VPS53: variants seen among roughly 807,000 people sequenced by gnomAD.
VPS53 encodes the protein VPS53 subunit of GARP complex.
A neutral mutation model predicts 107.0 loss-of-function variants in VPS53; 70 were observed. The ratio of observed to expected loss-of-function variants is 0.65; its 90% CI spans 0.54 to 0.80. VPS53 has a LOEUF of 0.80. Among genes scored for constraint, VPS53 ranks in the 30% least tolerant of loss-of-function variants. The pLI is 0.00. For missense variants in VPS53, 917 were observed against 1,049.4 expected, an observed-to-expected ratio of 0.87 and a Z score of 1.74; for synonymous variants, 409 against 393.3, an observed-to-expected ratio of 1.04 and a Z score of -0.47.
chr17:567,479 T>C (rs181472693), intron 13 of VPS53, among the ~76,000 whole-genome samples: 1 of 151,158 alleles, frequency 6.6e-6, no homozygotes, highest in Non-Finnish European at 1.5e-5. Context: ...TAGTTTTGAA[T>C]ACATGATCCA....
chr17:672,440 G>A (rs1469507955), intron 4 of VPS53, among the ~76,000 whole-genome samples: 1 of 152,102 alleles, frequency 6.6e-6, no homozygotes, highest in Non-Finnish European at 1.5e-5. Context: ...CTCACTTAAT[G>A]GCAACTATTA....
chr17:682,931 T>C (rs570963366), intron 4 of VPS53, among the ~76,000 whole-genome samples: 1 of 152,090 alleles, frequency 6.6e-6, no homozygotes, highest in Admixed American at 6.5e-5. Context: ...GTGTTTTACC[T>C]GCACGAACAG....
chr17:523,225 G>A (rs1908882954), intron 19 of VPS53: 1 of 152,674 alleles, frequency 6.5e-6, no homozygotes, highest in African/African-American at 2.4e-5. Flanking sequence ...AATGGCTGAA[G>A]ACAGAAGGGT....
intron 13 of VPS53, among the ~76,000 whole-genome samples, chr17:570,598 A>G (rs999008411): frequency 1.5e-4 from 23 of 152,208 alleles, no homozygotes; most frequent in African/African-American, 5.5e-4. Flanking sequence ...AGACTCAATT[A>G]GTCTTCTGGG....
At chr17:540,477 T>TA (rs1910544772) in intron 17 of VPS53, 1 of 152,246 alleles carries the variant, frequency 6.6e-6, no homozygotes. Flanking sequence ...AGTGCTGGGA[T>TA]TACAGGTGTG....
intron 4 of VPS53, among the ~76,000 whole-genome samples, chr17:697,017 C>T (rs870181): frequency 0.22 from 33,645 of 152,048 alleles, 4,016 homozygotes; most frequent in South Asian, 0.28. Flanking sequence ...GCTGGCAAAG[C>T]GAGGTACGAG....
chr17:586,303 G>C lies in VPS53; in HGVS notation c.1280C>G (p.Pro427Arg). The C allele has an allele frequency of 6.2e-7, 1 of 1,614,082 alleles. No individual in the cohort carries two copies. Among genetic ancestry groups the C allele is most frequent in the African/African-American group, 1.3e-5 (1 of 75,038 alleles). Residue 427 changes from proline (P) to arginine (R), a missense_variant, in exon 13 of 22, where the codon CCT becomes CGT. Coordinates refer to ENST00000437048, the MANE Select transcript of VPS53 (RefSeq NM_001128159.3). ...FHGIVSKCFE[P>R]HLYVYIESQD... Reference sequence around the variant, plus strand: ...GGATTCGATATACACGTAGAGATGAGGCTCAAAACACTTGGAAACAATGCC... The same window carrying C: ...GGATTCGATATACACGTAGAGATGACGCTCAAAACACTTGGAAACAATGCC...
intron 6 of VPS53, among the ~76,000 whole-genome samples, chr17:655,247 T>A (rs1971138916): frequency 6.6e-6 from 1 of 152,120 alleles, no homozygotes; most frequent in African/African-American, 2.4e-5. Flanking sequence ...AATCACCAGC[T>A]CTTCCTTCTC....
At position 628,153 on chromosome 17, in the gene VPS53, T is replaced by C. The variant is rs1969796920; in HGVS notation, c.766A>G (p.Ile256Val). Reference sequence around the variant, plus strand: ...TGCTGTTTAATAAACTTTTTGATGATTTCCTGTTTGATCCTGGGATCTAGA... The same window carrying C: ...TGCTGTTTAATAAACTTTTTGATGACTTCCTGTTTGATCCTGGGATCTAGA... Reference protein sequence around the residue: ...NILDPRIKQEIIKKFIKQHLS... With the variant: ...NILDPRIKQEVIKKFIKQHLS... Residue 256 changes from isoleucine (I) to valine (V), a missense_variant, in exon 9 of 22, where the codon ATC becomes GTC. By Grantham distance (29) the Ile-to-Val change is conservative. Coordinates refer to ENST00000437048, the MANE Select transcript of VPS53 (RefSeq NM_001128159.3). The C allele has an allele frequency of 6.2e-7, 1 of 1,614,084 alleles. No homozygotes were observed. Among genetic ancestry groups the C allele is most frequent in the South Asian group, 1.1e-5 (1 of 91,032 alleles).
chr17:597,880 T>C (rs962284410), intron 12 of VPS53, among the ~76,000 whole-genome samples: 1 of 151,924 alleles, frequency 6.6e-6, no homozygotes, highest in Non-Finnish European at 1.5e-5. Context: ...ATTTTTTTTT[T>C]AAATTACATA....
intron 4 of VPS53, among the ~76,000 whole-genome samples, chr17:693,343 G>C (rs770349530): frequency 1.3e-5 from 2 of 152,114 alleles, no homozygotes; most frequent in Non-Finnish European, 2.9e-5. Flanking sequence ...GTATACATAG[G>C]AAAAAATATG....
At chr17:689,788 T>C in intron 4 of VPS53, among the ~76,000 whole-genome samples, 1 of 152,176 alleles carries the variant, frequency 6.6e-6, no homozygotes, top group Non-Finnish European at 1.5e-5. Context: ...TTCGTTCTAA[T>C]GCTTGAATTG....
intron 7 of VPS53, among the ~76,000 whole-genome samples, chr17:649,798 T>C (rs1329627157): frequency 2.0e-5 from 3 of 152,244 alleles, no homozygotes; most frequent in Admixed American, 6.5e-5. Flanking sequence ...GGCAACCCAG[T>C]GCTTTAACAA....
intron 19 of VPS53, among the ~76,000 whole-genome samples, chr17:530,512 C>A (rs1909459581): frequency 6.6e-6 from 1 of 152,152 alleles, no homozygotes; most frequent in Non-Finnish European, 1.5e-5. Flanking sequence ...TACTCATAAT[C>A]ATATTTTCCA....
chr17:642,924 G>A (rs1444628168), intron 7 of VPS53, among the ~76,000 whole-genome samples: 2 of 120,592 alleles, frequency 1.7e-5, no homozygotes, highest in African/African-American at 2.8e-5. Flanking sequence ...CTTGGCAACC[G>A]AGGACAACAC....
chr17:696,424 A>G (rs1250557595), intron 4 of VPS53, among the ~76,000 whole-genome samples: 3 of 152,228 alleles, frequency 2.0e-5, no homozygotes, highest in Non-Finnish European at 4.4e-5. Flanking sequence ...TTTAGAAATT[A>G]GCTGTCCTAA....
In VPS53 at chr17:618,508, A is replaced by G. The variant is rs1245226189; in HGVS notation, c.1116+5025T>C. ...TGGGACTACAGGCATGCGCCACCACACCCCACTAATATTTCCTGGGTAGCT... is the reference window on the plus strand; with the variant it reads ...TGGGACTACAGGCATGCGCCACCACGCCCCACTAATATTTCCTGGGTAGCT... On this transcript the variant is annotated intron_variant, in intron 11 of 21. Coordinates refer to ENST00000437048, the MANE Select transcript of VPS53 (RefSeq NM_001128159.3). 2.1e-3 allele frequency among the ~76,000 whole-genome samples: 203 copies of G among 96,966 alleles called. 1 individual carries two copies. The highest frequency in any genetic ancestry group is 9.8e-3 in the South Asian group (26 of 2,648). 63.6% of individuals were successfully genotyped at this position (96,966 alleles called of 152,430 possible). A position where few individuals can be genotyped will look rare whatever the true frequency, so the allele number is the denominator to read the frequency against.
intron 4 of VPS53, among the ~76,000 whole-genome samples, chr17:664,114 T>C (rs184984895): frequency 6.6e-6 from 1 of 152,230 alleles, no homozygotes; most frequent in African/African-American, 2.4e-5. Context: ...AGTCTCACTC[T>C]GTTGCCCAGG....
chr17:577,455 T>C (rs749042490), intron 13 of VPS53, among the ~76,000 whole-genome samples: 9 of 144,082 alleles, frequency 6.2e-5, no homozygotes, highest in Middle Eastern at 4.2e-3. Context: ...CCCAACAGAA[T>C]CTCAGTGCAT....
Sources: allele counts gnomAD v4.1 joint callset (sites outside exome capture counted in the v4.1 genomes callset), GRCh38; gene constraint gnomAD v4.1.1; transcripts MANE v1.5; gene names NCBI Gene and HGNC (gene_info 2026-07-23, HGNC 2026-07-21).